The following STXBP5L variants were observed in gnomAD, a reference collection of about 807,000 sequenced individuals.
STXBP5L encodes syntaxin-binding protein 5-like.
In STXBP5L, 65 loss-of-function variants were observed where a neutral mutation model predicts 144.5. The observed-to-expected ratio is 0.45, with a 90% CI of 0.37 to 0.55. The LOEUF (loss-of-function observed/expected upper bound fraction) is 0.55, where lower values mean the gene tolerates loss of function less well. Among genes scored for constraint, STXBP5L ranks in the 20% least tolerant of loss-of-function variants. The pLI is 0.00. For synonymous variants in STXBP5L, 505 were observed against 469.6 expected (o/e 1.08, Z -0.97); for missense variants, 1,298 against 1,405.5 (o/e 0.92, Z 1.22).
chr3:121,331,551 A>G (rs899084568), intron 20 of STXBP5L, among the ~76,000 whole-genome samples: 6 of 152,178 alleles, frequency 3.9e-5, no homozygotes, highest in Non-Finnish European at 7.3e-5. Flanking sequence ...CTGGGTGAAG[A>G]GTGTGTCTGG....
chr3:121,411,781 G>A (rs1259849117), intron 23 of STXBP5L, among the ~76,000 whole-genome samples: 2 of 152,060 alleles, frequency 1.3e-5, no homozygotes, highest in East Asian at 3.9e-4. Context: ...GTAAAGGAAT[G>A]GGGAGCAAAA....
intron 3 of STXBP5L, among the ~76,000 whole-genome samples, chr3:120,965,502 C>T (rs1253936658): frequency 6.6e-6 from 1 of 152,198 alleles, no homozygotes; most frequent in Non-Finnish European, 1.5e-5. Flanking sequence ...ATTTGCTTGT[C>T]TGTAAAGAAT....
At chr3:120,987,533 T>A (rs1397087854) in intron 3 of STXBP5L, among the ~76,000 whole-genome samples, 2 of 151,896 alleles carry the variant, frequency 1.3e-5, no homozygotes, top group Non-Finnish European at 2.9e-5. Context: ...GTTGGATATA[T>A]GGTTTTCATT....
At position 121,157,623 on chromosome 3, in the gene STXBP5L, A is replaced by G; in HGVS notation, c.873A>G (p.Pro291=). 1 of 1,599,890 alleles carries G rather than the reference A, an allele frequency of 6.3e-7. No homozygotes were observed. The part of the protein sequence containing the change: ...SPSRPFQTTI[P]HGKSQREGRK... ...GTCGCCCTTTCCAGACCACAATTCC[A>G]CATGGTAAGATGTATGCTTTCAAAA... Residue 291 remains proline (P), a synonymous_variant, in exon 9 of 27, where the codon CCA becomes CCG. Transcript: ENST00000471454.
chr3:120,963,962 T>A (rs944896209), intron 3 of STXBP5L, among the ~76,000 whole-genome samples: 20 of 152,212 alleles, frequency 1.3e-4, no homozygotes, highest in Admixed American at 1.0e-3. Context: ...CTGTTATTGG[T>A]CTATTCAGAG....
At chr3:121,364,171 C>A (rs1437388001) in intron 20 of STXBP5L, among the ~76,000 whole-genome samples, 1 of 152,126 alleles carries the variant, frequency 6.6e-6, no homozygotes, top group East Asian at 1.9e-4. Flanking sequence ...GTTTTACCTG[C>A]ACCATCAAGT....
chr3:121,344,674 G>A (rs901691615), intron 20 of STXBP5L, among the ~76,000 whole-genome samples: 1 of 151,972 alleles, frequency 6.6e-6, no homozygotes, highest in Non-Finnish European at 1.5e-5. Flanking sequence ...CAAAGAGGAG[G>A]TTAAAGTACC....
At chr3:121,012,923 T>G (rs1944887184) in intron 3 of STXBP5L, among the ~76,000 whole-genome samples, 1 of 151,962 alleles carries the variant, frequency 6.6e-6, no homozygotes, top group Non-Finnish European at 1.5e-5. Context: ...TAGTTCCTAC[T>G]TACAAGTGAG....
intron 9 of STXBP5L, among the ~76,000 whole-genome samples, chr3:121,168,809 G>A (rs2046593709): frequency 6.6e-6 from 1 of 152,082 alleles, no homozygotes; most frequent in Non-Finnish European, 1.5e-5. Flanking sequence ...TAGCAAGGAA[G>A]GCCAACATTC....
chr3:121,310,414 T>C (rs2043485493), intron 19 of STXBP5L, among the ~76,000 whole-genome samples: 1 of 151,840 alleles, frequency 6.6e-6, no homozygotes, highest in Non-Finnish European at 1.5e-5. Flanking sequence ...ATTGAGACTA[T>C]CCTGGCTAAC....
At chr3:121,316,682 A>C (rs930948553) in intron 19 of STXBP5L, among the ~76,000 whole-genome samples, 1 of 152,230 alleles carries the variant, frequency 6.6e-6, no homozygotes, top group Non-Finnish European at 1.5e-5. Context: ...TATTACTATT[A>C]CTACAAAGAG....
chr3:120,945,752 G>C (rs890062669), intron 2 of STXBP5L, among the ~76,000 whole-genome samples: 2 of 151,754 alleles, frequency 1.3e-5, no homozygotes, highest in African/African-American at 2.4e-5. Context: ...GCCAGAGTTG[G>C]CATCAGTTCA....
At chr3:120,952,782 T>C (rs745949915) in intron 2 of STXBP5L, among the ~76,000 whole-genome samples, 2 of 152,072 alleles carry the variant, frequency 1.3e-5, no homozygotes, top group Non-Finnish European at 2.9e-5. Flanking sequence ...GGTCAATGAA[T>C]AAGGGTGTGT....
intron 20 of STXBP5L, among the ~76,000 whole-genome samples, chr3:121,371,972 A>T (rs761125658): frequency 1.3e-5 from 2 of 152,166 alleles, no homozygotes; most frequent in Non-Finnish European, 2.9e-5. Flanking sequence ...TTACGCTGGC[A>T]GGGAAGGGAA....
chr3:121,331,019 C>T (rs544648040), intron 20 of STXBP5L, among the ~76,000 whole-genome samples: 31 of 152,184 alleles, frequency 2.0e-4, no homozygotes, highest in Admixed American at 1.0e-3. Context: ...CATCCTGAAG[C>T]GTGGCAGCCC....
chr3:120,975,314 G>T lies in STXBP5L; in HGVS notation c.287+20277G>T, dbSNP rs566511889. Among the ~76,000 whole-genome samples the T allele has an allele frequency of 9.9e-5, 15 of 152,258 alleles. No homozygotes were observed. The East Asian group carries it at 2.9e-3, about 29-fold the overall frequency. ...TATTCTCTTTGTAGCAATTGTGAAT[G>T]GGAGTTCACTCATGATTTGGCTCTT... On this transcript the variant is annotated intron_variant, in intron 3 of 26. Transcript: ENST00000471454.
At chr3:120,998,484 C>T (rs140737583) in intron 3 of STXBP5L, among the ~76,000 whole-genome samples, 2,274 of 152,084 alleles carry the variant, frequency 0.015, 64 homozygotes, top group African/African-American at 0.052. Flanking sequence ...CTGCACCCAT[C>T]AACCCATCAT....
chr3:121,206,934 T>G (rs929915414), intron 10 of STXBP5L, among the ~76,000 whole-genome samples: 3 of 152,226 alleles, frequency 2.0e-5, no homozygotes, highest in Admixed American at 2.0e-4. Flanking sequence ...AACATTAAAT[T>G]TATTTTAATT....
intron 9 of STXBP5L, among the ~76,000 whole-genome samples, chr3:121,169,690 C>G (rs760591125): frequency 8.5e-5 from 13 of 152,272 alleles, no homozygotes; most frequent in South Asian, 2.1e-4. Context: ...CACCCAGATT[C>G]ATAAAGCAAG....
Sources: gnomAD v4.1 joint callset for allele counts (sites outside exome capture counted in the v4.1 genomes callset) on GRCh38, gnomAD v4.1.1 for gene constraint, MANE v1.5 for transcripts, NCBI Gene and HGNC (gene_info 2026-07-23, HGNC 2026-07-21) for gene names.